Variants in DYNC2LI1 observed in about 807,000 individuals in gnomAD.
The protein encoded by DYNC2LI1 is dynein cytoplasmic 2 light intermediate chain 1, also known as cytoplasmic dynein 2 light intermediate chain 1.
DYNC2LI1 carries 45 observed loss-of-function variants against 51.9 expected under a neutral mutation model. The observed-to-expected ratio is 0.87, with a 90% confidence interval of 0.68 to 1.11. The LOEUF is 1.11. Among genes scored for constraint, DYNC2LI1 ranks in the 50% most tolerant of loss-of-function variants. DYNC2LI1 has a pLI of 0.00. For synonymous variants in DYNC2LI1, 130 were observed against 137.8 expected, an observed-to-expected ratio of 0.94 and a Z score of 0.40; for missense variants, 490 against 417.4, an observed-to-expected ratio of 1.17 and a Z score of -1.51.
In DYNC2LI1 at chr2:43,789,795, T is replaced by C. The variant is rs2104685894; in HGVS notation, c.320+74T>C. 2.2e-6 allele frequency: 3 copies of C among 1,348,188 alleles called. No individual in the cohort carries two copies. The East Asian group carries it at 7.1e-5, about 32-fold the overall frequency. 83.5% of individuals were successfully genotyped at this position (1,348,188 alleles called of 1,614,324 possible). Reference sequence around the variant, plus strand: ...TAGGAGGAATATGAGTTGGCTTTTCTCAGTCAGAATTTTGGGGCACAGTTT... The same window carrying C: ...TAGGAGGAATATGAGTTGGCTTTTCCCAGTCAGAATTTTGGGGCACAGTTT... On this transcript the variant is annotated intron_variant, in intron 5 of 12. Coordinates refer to ENST00000260605, the MANE Select transcript of DYNC2LI1 (RefSeq NM_016008.4).
intron 5 of DYNC2LI1, among the ~76,000 whole-genome samples, chr2:43,792,257 T>C (rs992882657): frequency 3.9e-5 from 6 of 152,148 alleles, no homozygotes; most frequent in Non-Finnish European, 8.8e-5. Flanking sequence ...AAAGACTACT[T>C]TCTGAATTTA....
the DYNC2LI1 span, chr2:43,822,480 C>CT: frequency 6.8e-6 from 5 of 737,050 alleles, no homozygotes; most frequent in Non-Finnish European, 7.8e-6. Flanking sequence ...TCCCCCAGGC[C>CT]CCCCCCCATG....
chr2:43,777,359 T>C lies in DYNC2LI1; in HGVS notation c.126+460T>C, dbSNP rs527690165. Among the ~76,000 whole-genome samples the C allele has an allele frequency of 3.3e-5, 5 of 152,346 alleles. No homozygotes were observed. In the South Asian group the frequency reaches 8.3e-4, roughly 25 times the overall value. On this transcript the variant is annotated intron_variant, in intron 2 of 12. Coordinates refer to ENST00000260605, the MANE Select transcript of DYNC2LI1 (RefSeq NM_016008.4). ...GGCAGCATTTCCAGTGGACCACTGA[T>C]TGGTAGGAAGGGACCCCTCCCCACT...
chr2:43,791,580 G>A (rs1159717200), intron 5 of DYNC2LI1, among the ~76,000 whole-genome samples: 1 of 152,164 alleles, frequency 6.6e-6, no homozygotes, highest in East Asian at 1.9e-4. Context: ...ATAGGCTTGG[G>A]TCTAAAGTAG....
At chr2:43,819,504 T>G in the DYNC2LI1 span, among the ~76,000 whole-genome samples, 1 of 151,774 alleles carries the variant, frequency 6.6e-6, no homozygotes, top group East Asian at 1.9e-4. Flanking sequence ...GTCTGACTAG[T>G]CTTAATTCCT....
At chr2:43,783,484 A>T in intron 2 of DYNC2LI1, 36 bp from the exon 3 acceptor site, 1 of 1,461,462 alleles carries the variant, frequency 6.8e-7, no homozygotes, top group Non-Finnish European at 9.2e-7. Flanking sequence ...CATATGAGTG[A>T]CATTAACGCA....
At chr2:43,824,519 CATA>C in the DYNC2LI1 span, 8 of 1,595,384 alleles carry the variant, frequency 5.0e-6, no homozygotes, top group Non-Finnish European at 6.8e-6. Context: ...GAGTACTGGC[CATA>C]ATACCTCATC....
At chr2:43,784,570 G>T (rs886959880) in intron 3 of DYNC2LI1, among the ~76,000 whole-genome samples, 2 of 152,058 alleles carry the variant, frequency 1.3e-5, no homozygotes, top group African/African-American at 2.4e-5. Context: ...CTCCCGCTGG[G>T]ATTACAGGCA....
At chr2:43,824,506 C>T in the DYNC2LI1 span, 4 of 1,599,792 alleles carry the variant, frequency 2.5e-6, no homozygotes, top group Middle Eastern at 3.3e-4. Flanking sequence ...ACAATTGGTA[C>T]AGGAGTACTG....
chr2:43,798,229 G>A (rs999954112), intron 8 of DYNC2LI1, among the ~76,000 whole-genome samples: 5 of 152,104 alleles, frequency 3.3e-5, no homozygotes, highest in Non-Finnish European at 7.4e-5. Flanking sequence ...TGCTTTCATG[G>A]CTAGAATATT....
chr2:43,826,111 GACC>G, the DYNC2LI1 span, among the ~76,000 whole-genome samples: 1 of 151,756 alleles, frequency 6.6e-6, no homozygotes, highest in East Asian at 1.9e-4. Flanking sequence ...AAGTAGCTGG[GACC>G]ACAGATATGC....
intron 12 of DYNC2LI1, among the ~76,000 whole-genome samples, chr2:43,809,312 A>G (rs936512387): frequency 6.6e-6 from 1 of 152,162 alleles, no homozygotes; most frequent in Admixed American, 6.5e-5. Flanking sequence ...TTTTTTAAAT[A>G]TTTTGCTAAC....
rs10186552 is a variant in DYNC2LI1, at chr2:43,809,783, T to C, written c.*16T>C. On this transcript the variant is annotated 3_prime_UTR_variant, in exon 13 of 13. Coordinates refer to ENST00000260605, the MANE Select transcript of DYNC2LI1 (RefSeq NM_016008.4). ...TGATTCTTGAACCTATTTCAATTAT[T>C]GTATATTTATTTCTTCTTTTCCAAA... 327,172 of 1,595,784 alleles carry C rather than the reference T, an allele frequency of 0.21. 35,924 individuals are homozygous for C. Among genetic ancestry groups the C allele is most frequent in the African/African-American group, 0.35 (25,769 of 74,192 alleles).
the DYNC2LI1 span, among the ~76,000 whole-genome samples, chr2:43,815,911 A>G: frequency 6.4e-4 from 32 of 50,120 alleles, no homozygotes; most frequent in South Asian, 9.0e-4. Flanking sequence ...ACAGGAAAAG[A>G]AAAAAAAAAA....
chr2:43,812,300 G>A (rs915605523), downstream of DYNC2LI1, among the ~76,000 whole-genome samples: 2 of 141,264 alleles, frequency 1.4e-5, no homozygotes, highest in Non-Finnish European at 3.1e-5. Flanking sequence ...ATATACTTTA[G>A]TAAAGTTTAC....
the DYNC2LI1 span, chr2:43,819,961 C>T: frequency 2.5e-5 from 40 of 1,614,012 alleles, no homozygotes; most frequent in Non-Finnish European, 3.3e-5. Flanking sequence ...GACAGCAGAG[C>T]CACTACACTG....
chr2:43,789,447 A>G (rs1031936810), intron 4 of DYNC2LI1, among the ~76,000 whole-genome samples, 186 bp from the exon 5 acceptor site: 1 of 152,164 alleles, frequency 6.6e-6, no homozygotes, highest in African/African-American at 2.4e-5. Context: ...TGAATAGTTC[A>G]TCATTTTTCT....
chr2:43,824,925 G>T, the DYNC2LI1 span: 1 of 1,614,036 alleles, frequency 6.2e-7, no homozygotes, highest in Non-Finnish European at 8.5e-7. Flanking sequence ...TCAGGACAAG[G>T]GTAACCGCAG....
the DYNC2LI1 span, chr2:43,822,459 G>T: frequency 2.2e-6 from 2 of 906,012 alleles, no homozygotes; most frequent in Non-Finnish European, 2.6e-6. Flanking sequence ...CATTCAGGCT[G>T]CTTTCTCCCC....
Sources: gnomAD v4.1 joint callset for allele counts (sites outside exome capture counted in the v4.1 genomes callset) on GRCh38, gnomAD v4.1.1 for gene constraint, MANE v1.5 for transcripts, NCBI Gene and HGNC (gene_info 2026-07-23, HGNC 2026-07-21) for gene names.